Variants in BANP observed in about 807,000 individuals in gnomAD.
BANP encodes the protein BTG3 associated nuclear protein.
In BANP, 11 loss-of-function variants were observed where a neutral mutation model predicts 68.1. The ratio of observed to expected loss-of-function variants is 0.16; its 90% CI spans 0.10 to 0.27. The LOEUF (loss-of-function observed/expected upper bound fraction) is 0.27. Among genes scored for constraint, BANP ranks in the 10% least tolerant of loss-of-function variants. The probability of loss-of-function intolerance (pLI) is 1.00; values close to 1 mark genes in which losing one functional copy is unlikely to be tolerated. For missense variants in BANP, 504 were observed against 722.7 expected (o/e 0.70, Z 3.47); for synonymous variants, 329 against 303.2 (o/e 1.09, Z -0.88).
In BANP at chr16:88,051,394, C is replaced by A. The variant is rs188759960; in HGVS notation, c.1311+13383C>A. 3.2e-3 allele frequency among the ~76,000 whole-genome samples: 480 copies of A among 152,312 alleles called. 1 individual carries two copies. The highest frequency in any genetic ancestry group is 0.011 in the African/African-American group (461 of 41,566). On this transcript the variant is annotated intron_variant, in intron 11 of 13. Coordinates refer to ENST00000682872, the MANE Select transcript of BANP (RefSeq NM_001386991.1). ...GTGTAGATGTGGAGCTCCTTAAGGG[C>A]AGGACCCGTGCCCAGCACACATTGA...
At chr16:87,955,166 G>A (rs566082969) in intron 1 of BANP, among the ~76,000 whole-genome samples, 1 of 152,314 alleles carries the variant, frequency 6.6e-6, no homozygotes, top group South Asian at 2.1e-4. Flanking sequence ...AGCGTACTGG[G>A]AGCATGATCT....
At chr16:87,975,295 C>A in intron 2 of BANP, 110 bp downstream of exon 2, 1 of 1,092,692 alleles carries the variant, frequency 9.2e-7, no homozygotes, top group Non-Finnish European at 1.4e-6. Context: ...GTAATGCATG[C>A]TGCGTATGAA....
At chr16:88,073,860 G>C (rs1158595424) in intron 13 of BANP, among the ~76,000 whole-genome samples, 1 of 152,270 alleles carries the variant, frequency 6.6e-6, no homozygotes, top group South Asian at 2.1e-4. Context: ...CTAGCTTCCT[G>C]TAAGCTCTCT....
chr16:88,043,096 A>C (rs2081201571), intron 11 of BANP, among the ~76,000 whole-genome samples: 1 of 152,178 alleles, frequency 6.6e-6, no homozygotes, highest in African/African-American at 2.4e-5. Flanking sequence ...GGCTTTGTAG[A>C]GCAGAGCCCG....
Position 88,018,264 on chromosome 16 carries a change from C to A in BANP, c.656-164C>A, listed in dbSNP as rs900810155. Among the ~76,000 whole-genome samples, 1 of 152,014 alleles carries A rather than the reference C, an allele frequency of 6.6e-6. No individual in the cohort carries two copies. Among genetic ancestry groups the A allele is most frequent in the Non-Finnish European group, 1.5e-5 (1 of 68,006 alleles). Reference sequence around the variant, plus strand: ...CGTCAGTTCTTTCTTGGGCAGCAGTCGGAGGCTCCAGCGCTCTTGGTGACT... The same window carrying A: ...CGTCAGTTCTTTCTTGGGCAGCAGTAGGAGGCTCCAGCGCTCTTGGTGACT... On this transcript the variant is annotated intron_variant, in intron 6 of 13. Transcript: ENST00000682872. The surrounding 1 kb of genome is among the most constrained non-coding windows in gnomAD (Gnocchi z 7.7).
At chr16:87,953,604 G>A (rs1354240956) in intron 1 of BANP, among the ~76,000 whole-genome samples, 1 of 152,172 alleles carries the variant, frequency 6.6e-6, no homozygotes, top group African/African-American at 2.4e-5. Flanking sequence ...GACTGTCTGT[G>A]TTAGGCCTAT....
intron 12 of BANP, among the ~76,000 whole-genome samples, chr16:88,070,701 G>T (rs1026477358): frequency 6.6e-6 from 1 of 152,154 alleles, no homozygotes. Flanking sequence ...CAGGCCTGTA[G>T]ATGCTCACTG....
chr16:88,041,485 C>T (rs1217945985), intron 11 of BANP, among the ~76,000 whole-genome samples: 1 of 152,206 alleles, frequency 6.6e-6, no homozygotes, highest in Admixed American at 6.5e-5. Context: ...CATTTGCTGT[C>T]TGAGTAGAAA....
intron 6 of BANP, among the ~76,000 whole-genome samples, chr16:88,013,221 A>G (rs1419154632): frequency 2.0e-5 from 3 of 152,174 alleles, no homozygotes; most frequent in Non-Finnish European, 4.4e-5. Context: ...ACTTCTGGAG[A>G]CGTCTGAGCG....
At chr16:88,014,895 C>G (rs553779532) in intron 6 of BANP, among the ~76,000 whole-genome samples, 19 of 152,074 alleles carry the variant, frequency 1.2e-4, no homozygotes, top group Middle Eastern at 3.4e-3. Context: ...TGCTGGGAAC[C>G]CTGGGAAGTT....
chr16:87,987,600 G>A (rs12921206), intron 4 of BANP, among the ~76,000 whole-genome samples: 85 of 149,702 alleles, frequency 5.7e-4, no homozygotes, highest in African/African-American at 2.0e-3. Flanking sequence ...AGTGGCACCC[G>A]CCTGTAATCT....
chr16:87,978,872 C>G (rs1388362153), intron 2 of BANP, among the ~76,000 whole-genome samples: 1 of 152,206 alleles, frequency 6.6e-6, no homozygotes, highest in Non-Finnish European at 1.5e-5. Flanking sequence ...CACGGCTTCC[C>G]GCAGGATAAG....
chr16:88,015,321 CGTGCCCTCTGCCCGTCCCTCTGCCA>C (rs1199666931), intron 6 of BANP, among the ~76,000 whole-genome samples: 66 of 144,698 alleles, frequency 4.6e-4, no homozygotes, highest in African/African-American at 1.3e-3. Context: ...CCCCTCAGCT[CGTGCCCTCTGCCCGTCCCTCTGCCA>C]GTCCCCTCTG....
At chr16:87,970,500 G>A (rs763761870) in intron 1 of BANP, among the ~76,000 whole-genome samples, 2 of 152,056 alleles carry the variant, frequency 1.3e-5, no homozygotes, top group African/African-American at 2.4e-5. Flanking sequence ...CTTATGATGT[G>A]GTTTTTCAGT....
chr16:88,044,060 G>A (rs545853012), intron 11 of BANP, among the ~76,000 whole-genome samples: 127 of 152,334 alleles, frequency 8.3e-4, no homozygotes, highest in African/African-American at 3.0e-3. Flanking sequence ...GGGAACCGCT[G>A]GTTGGTCATA....
chr16:87,976,651 C>G (rs2062203923), intron 2 of BANP, among the ~76,000 whole-genome samples: 1 of 152,044 alleles, frequency 6.6e-6, no homozygotes, highest in African/African-American at 2.4e-5. Context: ...TTTCAGAAAT[C>G]TCCTAAGAAA....
chr16:88,073,512 A>G (rs1302983663), intron 13 of BANP, among the ~76,000 whole-genome samples: 1 of 152,126 alleles, frequency 6.6e-6, no homozygotes, highest in Non-Finnish European at 1.5e-5. Context: ...CGCTGGAAGC[A>G]CGGTGAGGGC....
chr16:87,981,508 A>G (rs947978258), intron 3 of BANP, among the ~76,000 whole-genome samples: 13 of 152,262 alleles, frequency 8.5e-5, no homozygotes, highest in Non-Finnish European at 4.4e-5. Context: ...ACATCTACAC[A>G]GACCCAAAGA....
chr16:88,009,674 T>C (rs1320473572), intron 6 of BANP, among the ~76,000 whole-genome samples: 5 of 138,620 alleles, frequency 3.6e-5, no homozygotes, highest in African/African-American at 1.4e-4. Flanking sequence ...GTTGAAAGCA[T>C]GGAACAGTAG....
Sources: gnomAD v4.1 joint callset for allele counts (sites outside exome capture counted in the v4.1 genomes callset) on GRCh38, gnomAD v4.1.1 for gene constraint, Gnocchi (gnomAD v3.1) non-coding constraint, MANE v1.5 for transcripts, NCBI Gene and HGNC (gene_info 2026-07-23, HGNC 2026-07-21) for gene names.